TXNL1: variants seen among roughly 807,000 people sequenced by gnomAD.
The protein encoded by TXNL1 is thioredoxin like 1.
Under a neutral mutation model 35.5 loss-of-function variants are expected in TXNL1, and 14 were observed. That is an observed-to-expected ratio of 0.39 (90% CI 0.26 to 0.62). The LOEUF is 0.62. Among genes scored for constraint, TXNL1 ranks in the 20% least tolerant of loss-of-function variants. TXNL1 has a pLI of 0.47. For missense variants in TXNL1, 263 were observed against 349.7 expected (o/e 0.75, Z 1.98); for synonymous variants, 110 against 115.5 (o/e 0.95, Z 0.31).
chr18:56,607,614 T>G (rs1483292247), intron 7 of TXNL1, among the ~76,000 whole-genome samples: 1 of 152,124 alleles, frequency 6.6e-6, no homozygotes, highest in Non-Finnish European at 1.5e-5. Context: ...CTAATCCCAG[T>G]ACTTTGGAAG....
intron 5 of TXNL1, among the ~76,000 whole-genome samples, 161 bp from the exon 6 acceptor site, chr18:56,614,757 T>A (rs531385441): frequency 6.6e-6 from 1 of 152,300 alleles, no homozygotes; most frequent in East Asian, 1.9e-4. Flanking sequence ...AGTATTCAGG[T>A]AGCCAATCCT....
At chr18:56,604,299 C>T (rs998666824) in intron 7 of TXNL1, 2 of 152,134 alleles carry the variant, frequency 1.3e-5, no homozygotes, top group Admixed American at 1.3e-4. Context: ...CTGATAAACA[C>T]TGAGAGCATT....
At chr18:56,631,168 C>A (rs1305462820) in intron 1 of TXNL1, among the ~76,000 whole-genome samples, 1 of 152,198 alleles carries the variant, frequency 6.6e-6, no homozygotes, top group Non-Finnish European at 1.5e-5. Context: ...GTGTGAGCCA[C>A]TGTGCCCAGC....
chr18:56,612,618 C>G (rs1034463733), intron 6 of TXNL1, among the ~76,000 whole-genome samples: 2 of 152,144 alleles, frequency 1.3e-5, no homozygotes, highest in African/African-American at 2.4e-5. Flanking sequence ...AAGTGATGCC[C>G]CTGCCTAAGC....
chr18:56,621,208 T>C (rs1285779415), intron 3 of TXNL1, among the ~76,000 whole-genome samples: 1 of 123,040 alleles, frequency 8.1e-6, no homozygotes, highest in Non-Finnish European at 2.0e-5. Flanking sequence ...ATATGTATTT[T>C]TTTTTTTTTT....
chr18:56,615,345 A>G (rs1006547695), intron 5 of TXNL1, among the ~76,000 whole-genome samples: 1 of 148,646 alleles, frequency 6.7e-6, no homozygotes, highest in Non-Finnish European at 1.5e-5. Flanking sequence ...AAATAAGAAA[A>G]TGCTATCTTC....
chr18:56,613,694 G>A (rs2024033958), intron 6 of TXNL1, among the ~76,000 whole-genome samples: 1 of 152,012 alleles, frequency 6.6e-6, no homozygotes, highest in Admixed American at 6.6e-5. Context: ...CGTGCCTGCG[G>A]TTGCAACTGC....
At chr18:56,626,861 G>C (rs1302447807) in intron 1 of TXNL1, among the ~76,000 whole-genome samples, 3 of 129,870 alleles carry the variant, frequency 2.3e-5, no homozygotes, top group South Asian at 2.6e-4. Context: ...CCAGAGTACA[G>C]TGGCATGATC....
chr18:56,624,491 A>C, intron 2 of TXNL1, 30 bp from the exon 3 acceptor site: 1 of 1,588,782 alleles, frequency 6.3e-7, no homozygotes, highest in Non-Finnish European at 8.6e-7. Flanking sequence ...CAGTGTTATG[A>C]ATTAAATCTT....
intron 6 of TXNL1, among the ~76,000 whole-genome samples, chr18:56,611,622 G>T (rs1283289101): frequency 3.9e-5 from 6 of 152,098 alleles, no homozygotes. Context: ...GAGATGTCAT[G>T]GCAAGAGACC....
At chr18:56,618,260 G>A in intron 3 of TXNL1, 134 bp from the exon 4 acceptor site, 2 of 920,828 alleles carry the variant, frequency 2.2e-6, no homozygotes, top group Non-Finnish European at 3.1e-6. Context: ...AACTTTTACA[G>A]TAGTCCTTTC....
intron 2 of TXNL1, 30 bp from the exon 3 acceptor site, chr18:56,624,491 A>T: frequency 6.3e-7 from 1 of 1,588,782 alleles, no homozygotes; most frequent in Non-Finnish European, 8.6e-7. Flanking sequence ...CAGTGTTATG[A>T]ATTAAATCTT....
intron 5 of TXNL1, among the ~76,000 whole-genome samples, chr18:56,615,100 A>G (rs2024062168): frequency 6.6e-6 from 1 of 152,216 alleles, no homozygotes; most frequent in Non-Finnish European, 1.5e-5. Context: ...ATTAATAAAA[A>G]TTGCCAAATT....
rs571710592 is a variant in TXNL1, at chr18:56,598,581, C to T, written c.*4446G>A. On this transcript the variant is annotated 3_prime_UTR_variant, in exon 8 of 8. Transcript: ENST00000217515. Reference sequence around the variant, plus strand: ...AGGAGGAGAGATTACATTACAAAGACCCCATAAAGAAAAGAGAACCAGCGG... The same window carrying T: ...AGGAGGAGAGATTACATTACAAAGATCCCATAAAGAAAAGAGAACCAGCGG... The T allele has an allele frequency of 6.6e-6, 1 of 152,570 alleles. No homozygotes were observed. Among genetic ancestry groups the T allele is most frequent in the East Asian group, 1.9e-4 (1 of 5,192 alleles). 9.5% of individuals were successfully genotyped at this position (152,570 alleles called of 1,614,324 possible).
At position 56,597,359 on chromosome 18, in the gene TXNL1, GT is replaced by G. The variant is rs1568094804; in HGVS notation, c.*5667del. On this transcript the variant is annotated 3_prime_UTR_variant, in exon 8 of 8. Coordinates refer to ENST00000217515, the MANE Select transcript of TXNL1 (RefSeq NM_004786.3). ...AGCATCTACATTTCTTTGCCAGAGG[GT>G]TTTGGAATAATTATCTGCTGATGCT... 1.3e-5 allele frequency: 2 copies of G among 152,298 alleles called. No homozygotes were observed. The highest frequency in any genetic ancestry group is 1.3e-4 in the Admixed American group (2 of 15,296). 9.4% of individuals were successfully genotyped at this position (152,298 alleles called of 1,614,324 possible).
At chr18:56,611,279 C>CA (rs1290362822) in intron 6 of TXNL1, among the ~76,000 whole-genome samples, 182 bp from the exon 7 acceptor site, 1 of 152,042 alleles carries the variant, frequency 6.6e-6, no homozygotes, top group Admixed American at 6.6e-5. Context: ...GTGGGCAGAT[C>CA]ACCTGAGGTC....
At position 56,602,993 on chromosome 18, in the gene TXNL1, G is replaced by C; in HGVS notation, c.*34C>G. ...GCAATTATCCAGGAGCTGTAGATCTGATTGCAATATGGTTGTCCAGTGTCT... is the reference window on the plus strand; with the variant it reads ...GCAATTATCCAGGAGCTGTAGATCTCATTGCAATATGGTTGTCCAGTGTCT... On this transcript the variant is annotated 3_prime_UTR_variant, in exon 8 of 8. Coordinates refer to ENST00000217515, the MANE Select transcript of TXNL1 (RefSeq NM_004786.3). 4 of 1,611,614 alleles carry C rather than the reference G, an allele frequency of 2.5e-6. No individual in the cohort carries two copies. The highest frequency in any genetic ancestry group is 3.4e-6 in the Non-Finnish European group (4 of 1,177,978).
chr18:56,603,275 C>G (rs1401396992), intron 7 of TXNL1, among the ~76,000 whole-genome samples: 1 of 32,588 alleles, frequency 3.1e-5, no homozygotes, highest in East Asian at 1.6e-3. Context: ...TTTTTGGTTT[C>G]ACACAGTTTT....
chr18:56,603,982 A>G (rs2023849448), intron 7 of TXNL1, among the ~76,000 whole-genome samples: 1 of 152,194 alleles, frequency 6.6e-6, no homozygotes, highest in African/African-American at 2.4e-5. Flanking sequence ...AAAGGTCATC[A>G]GTACATGTCT....
Sources: gnomAD v4.1 joint callset for allele counts (sites outside exome capture counted in the v4.1 genomes callset) on GRCh38, gnomAD v4.1.1 for gene constraint, MANE v1.5 for transcripts, NCBI Gene and HGNC (gene_info 2026-07-23, HGNC 2026-07-21) for gene names.